BCLAF3: variants seen among roughly 807,000 people sequenced by gnomAD.
The protein encoded by BCLAF3 is transient octamer binding factor 1.
BCLAF3 carries 24 observed loss-of-function variants against 51.2 expected under a neutral mutation model. That is an observed-to-expected ratio of 0.47 (90% CI 0.34 to 0.66). The LOEUF (loss-of-function observed/expected upper bound fraction) is 0.66. Among genes scored for constraint, BCLAF3 ranks in the 30% least tolerant of loss-of-function variants. The pLI, the probability that BCLAF3 is intolerant of heterozygous loss-of-function variation, is 0.01. For synonymous variants in BCLAF3, 152 were observed against 176.6 expected (o/e 0.86, Z 1.10); for missense variants, 465 against 525.1 (o/e 0.89, Z 1.12).
At chrX:19,930,087 G>A (rs1483387335) in intron 10 of BCLAF3, 147 bp from the exon 11 acceptor site, 2 of 457,569 alleles carry the variant, frequency 4.4e-6, no homozygotes, top group Non-Finnish European at 7.0e-6. Context: ...TCCTCAAGCT[G>A]ATCGCTTGAG....
chrX:19,950,946 T>A lies in BCLAF3; in HGVS notation c.1630-78A>T, dbSNP rs1311515991. The A allele has an allele frequency of 6.2e-6, 4 of 643,518 alleles. No individual in the cohort carries two copies. In the African/African-American group the frequency reaches 8.7e-5, roughly 14 times the overall value. 53.0% of individuals were successfully genotyped at this position (643,518 alleles called of 1,213,427 possible). A position where few individuals can be genotyped will look rare whatever the true frequency, so the allele number is the denominator to read the frequency against. On this transcript the variant is annotated intron_variant, in intron 7 of 11. Coordinates refer to ENST00000379682, the MANE Select transcript of BCLAF3 (RefSeq NM_001367774.2). ...AGACCATATCTAACAAGAACGTTAA[T>A]TACAAGTCCTAGATAAGTTACCTTG...
chrX:19,955,643 CT>C, intron 4 of BCLAF3, 77 bp from the exon 5 acceptor site: 1 of 841,351 alleles, frequency 1.2e-6, no homozygotes. Context: ...ATTAAGATAG[CT>C]ACAAAACTAG....
intron 10 of BCLAF3, 137 bp downstream of exon 10, chrX:19,935,671 TA>T: frequency 1.9e-6 from 1 of 512,906 alleles, no homozygotes; most frequent in Non-Finnish European, 3.3e-6. Context: ...CAGTTAACTA[TA>T]AATGTCCAGA....
intron 11 of BCLAF3, among the ~76,000 whole-genome samples, chrX:19,919,195 C>T (rs2070040283): frequency 8.9e-6 from 1 of 111,886 alleles, no homozygotes; most frequent in Admixed American, 9.5e-5. Flanking sequence ...TTCTCCAGGC[C>T]TCAGCTTATA....
intron 4 of BCLAF3, among the ~76,000 whole-genome samples, chrX:19,956,214 C>T (rs1232652499): frequency 9.0e-6 from 1 of 111,694 alleles, no homozygotes; most frequent in Admixed American, 9.5e-5. Context: ...TTATATAACC[C>T]CGGCTATCTT....
Position 19,965,508 on chromosome X carries a change from C to T in BCLAF3, c.810G>A (p.Glu270=). The change falls in exon 4 of 12, where the codon GAG becomes GAA. Residue 270 remains glutamate (E), a synonymous_variant. Transcript: ENST00000379682. ...AGGATACTTTGGTTGCTGAACTGGT[C>T]TCTGGGTGTTCCCTCTCAGCATGTC... The part of the protein sequence containing the change: ...TYRHAEREHP[E]TSSATKVSYD... 4.1e-6 allele frequency: 5 copies of T among 1,208,574 alleles called. No homozygotes were observed. The highest frequency in any genetic ancestry group is 1.8e-5 in the South Asian group (1 of 56,044).
chrX:19,944,295 G>A (rs1422735450), intron 8 of BCLAF3, among the ~76,000 whole-genome samples: 3 of 34,158 alleles, frequency 8.8e-5, no homozygotes, highest in Non-Finnish European at 1.4e-4. Flanking sequence ...ATATTGTTAT[G>A]TGTGAATTTG....
At chrX:19,934,520 A>G (rs923237064) in intron 10 of BCLAF3, among the ~76,000 whole-genome samples, 27 of 112,651 alleles carry the variant, frequency 2.4e-4, no homozygotes, top group African/African-American at 7.4e-4. Context: ...TTTTAGGTAC[A>G]TAAACCATTG....
In BCLAF3 at chrX:19,966,077, T is replaced by C. The variant is rs1409307009; in HGVS notation, c.611+3A>G. The C allele has an allele frequency of 8.3e-7, 1 of 1,199,796 alleles. No individual in the cohort carries two copies. Among genetic ancestry groups the C allele is most frequent in the Admixed American group, 2.2e-5 (1 of 44,483 alleles). ...ATTACCCAGGTTTAATGTTTTCCTA[T>C]ACCTCTTCTGAAATGAGCTCCTTGT... On this transcript the variant is annotated splice_donor_region_variant and intron_variant, in intron 3 of 11. Transcript: ENST00000379682.
chrX:19,946,130 G>A (rs1328581628), intron 8 of BCLAF3, among the ~76,000 whole-genome samples: 1 of 110,907 alleles, frequency 9.0e-6, no homozygotes, highest in Non-Finnish European at 1.9e-5. Flanking sequence ...CCCTGCTTCG[G>A]CTCGCGCCCG....
intron 1 of BCLAF3, among the ~76,000 whole-genome samples, chrX:19,979,452 A>T (rs927870051): frequency 9.0e-6 from 1 of 111,445 alleles, no homozygotes; most frequent in South Asian, 3.7e-4. Context: ...TGTTTTAGAC[A>T]TAATGCTTTT....
rs1257442638 is a variant in BCLAF3, at chrX:19,966,129, T to C, written c.562A>G (p.Thr188Ala). ...RIQEEKYSQS[T>A]RRGSEDFETR... ...TCAAAGTCTTCAGAGCCTCTTCTAG[T>C]TGACTGGGAGTATTTTTCTTCTTGT... is the stretch of plus-strand genomic sequence containing the variant. Residue 188 changes from threonine (T) to alanine (A), a missense_variant, in exon 3 of 12, where the codon ACT becomes GCT. Transcript: ENST00000379682. The C allele has an allele frequency of 1.7e-6, 2 of 1,211,689 alleles. No individual in the cohort carries two copies. Among genetic ancestry groups the C allele is most frequent in the Non-Finnish European group, 2.2e-6 (2 of 895,462 alleles).
At chrX:19,918,479 A>G (rs1453141470) in intron 11 of BCLAF3, among the ~76,000 whole-genome samples, 1 of 100,203 alleles carries the variant, frequency 1.0e-5, no homozygotes, top group Non-Finnish European at 2.0e-5. Context: ...TTCATAACCT[A>G]TCTCCACTTG....
intron 6 of BCLAF3, 37 bp downstream of exon 6, chrX:19,953,741 T>G: frequency 1.9e-6 from 2 of 1,069,515 alleles, no homozygotes; most frequent in Non-Finnish European, 2.6e-6. Context: ...TATATCCCCA[T>G]TAGTTAAATG....
intron 4 of BCLAF3, among the ~76,000 whole-genome samples, chrX:19,960,908 A>C (rs2071831217): frequency 8.9e-6 from 1 of 111,990 alleles, no homozygotes; most frequent in African/African-American, 3.3e-5. Flanking sequence ...TACTCAGTCC[A>C]CCATCAACTC....
In BCLAF3 at chrX:19,924,614, T is replaced by C. The variant is rs1337187471; in HGVS notation, c.2106+5171A>G. Among the ~76,000 whole-genome samples the C allele has an allele frequency of 3.6e-5, 4 of 111,662 alleles. No homozygotes were observed. In the Admixed American group the frequency reaches 3.8e-4, roughly 11 times the overall value. ...AGTCTCTAACTTCCTTTCTGCACTG[T>C]CATTATGCCCTCTTCTCTCTTCCTT... On this transcript the variant is annotated intron_variant, in intron 11 of 11. Coordinates refer to ENST00000379682, the MANE Select transcript of BCLAF3 (RefSeq NM_001367774.2).
intron 8 of BCLAF3, among the ~76,000 whole-genome samples, chrX:19,943,579 C>T (rs1432903180): frequency 5.2e-5 from 5 of 96,833 alleles, no homozygotes; most frequent in African/African-American, 2.0e-4. Flanking sequence ...CGTAGTTGAG[C>T]GGCTTTGAGT....
rs113825320 is a variant in BCLAF3, at chrX:19,965,552, G to A, written c.766C>T (p.Leu256Phe). The A allele has an allele frequency of 8.3e-7, 1 of 1,199,279 alleles. No individual in the cohort carries two copies. The highest frequency in any genetic ancestry group is 1.1e-6 in the Non-Finnish European group (1 of 890,764). The change falls in exon 4 of 12, where the codon CTT (leucine) becomes TTT (phenylalanine). Residue 256 changes from leucine to phenylalanine, a missense_variant. Leu to Phe is a conservative substitution (Grantham distance 22). Transcript: ENST00000379682. ...GCATGTCGATAAGTTTGGGGCCCAAGGTTCCACTGGTCTGTGTCCTCTTGG... is the reference window on the plus strand; with the variant it reads ...GCATGTCGATAAGTTTGGGGCCCAAAGTTCCACTGGTCTGTGTCCTCTTGG... Reference protein sequence around the residue: ...PYQEDTDQWNLGPQTYRHAER... With the variant: ...PYQEDTDQWNFGPQTYRHAER...
chrX:19,921,957 C>T lies in BCLAF3; in HGVS notation c.2107-4623G>A, dbSNP rs779074977. Among the ~76,000 whole-genome samples, 75 of 110,868 alleles carry T rather than the reference C, an allele frequency of 6.8e-4. No homozygotes were observed. The Middle Eastern group carries it at 0.014, about 20-fold the overall frequency. On this transcript the variant is annotated intron_variant, in intron 11 of 11. Transcript: ENST00000379682. ...GGTGGAGGTTGCAGTGAGCCGAGATCATGCCATTACACTCCAGCCTGGGCA... is the reference window on the plus strand; with the variant it reads ...GGTGGAGGTTGCAGTGAGCCGAGATTATGCCATTACACTCCAGCCTGGGCA...
Sources: gnomAD v4.1 joint callset for allele counts (sites outside exome capture counted in the v4.1 genomes callset) on GRCh38, gnomAD v4.1.1 for gene constraint, MANE v1.5 for transcripts, NCBI Gene and HGNC (gene_info 2026-07-23, HGNC 2026-07-21) for gene names.